Variants in KYAT1 observed in about 807,000 individuals in gnomAD.
KYAT1 encodes the protein kynurenine--oxoglutarate transaminase 1.
KYAT1 carries 47 observed loss-of-function variants against 52.4 expected under a neutral mutation model. That is an observed-to-expected ratio of 0.90 (90% CI 0.71 to 1.14). The LOEUF is 1.14. Among genes scored for constraint, KYAT1 ranks in the 50% most tolerant of loss-of-function variants. KYAT1 has a pLI of 0.00. For missense variants in KYAT1, 480 were observed against 557.9 expected, an observed-to-expected ratio of 0.86 and a Z score of 1.41; for synonymous variants, 212 against 209.6, an observed-to-expected ratio of 1.01 and a Z score of -0.10.
intron 1 of KYAT1, among the ~76,000 whole-genome samples, chr9:128,862,257 C>T (rs1835562676): frequency 6.6e-6 from 1 of 152,190 alleles, no homozygotes; most frequent in South Asian, 2.1e-4. Flanking sequence ...CCTGCCGCAG[C>T]GTCCCAGTGC....
intron 2 of KYAT1, among the ~76,000 whole-genome samples, chr9:128,843,051 C>T (rs1832475706): frequency 6.6e-6 from 1 of 152,166 alleles, no homozygotes; most frequent in South Asian, 2.1e-4. Context: ...CCTGTAATCC[C>T]AGCTACTTGG....
At chr9:128,874,289 G>A (rs909699700) in intron 1 of KYAT1, among the ~76,000 whole-genome samples, 1 of 151,392 alleles carries the variant, frequency 6.6e-6, no homozygotes, top group African/African-American at 2.4e-5. Flanking sequence ...GAACTGAACA[G>A]TGCTGCAGTC....
intron 1 of KYAT1, among the ~76,000 whole-genome samples, chr9:128,862,247 C>T (rs937541539): frequency 6.6e-6 from 1 of 152,198 alleles, no homozygotes; most frequent in Non-Finnish European, 1.5e-5. Context: ...AAGGCATCCT[C>T]CTGCCGCAGC....
intron 1 of KYAT1, among the ~76,000 whole-genome samples, chr9:128,874,162 G>A (rs1025196873): frequency 4.7e-5 from 7 of 148,246 alleles, no homozygotes; most frequent in Middle Eastern, 3.8e-3. Flanking sequence ...AGGCTGAGAC[G>A]GGAGAATCGC....
At chr9:128,875,252 T>G (rs1054831940) in intron 1 of KYAT1, among the ~76,000 whole-genome samples, 6 of 151,128 alleles carry the variant, frequency 4.0e-5, no homozygotes, top group East Asian at 1.9e-4. Context: ...TTTTTTGTTT[T>G]TTTTTTTTTT....
rs1224583998 is a variant in KYAT1, at chr9:128,838,376, A to C, written c.202-9T>G. On this transcript the variant is annotated splice_polypyrimidine_tract_variant and intron_variant, in intron 3 of 12. Coordinates refer to ENST00000302586, the MANE Select transcript of KYAT1 (RefSeq NM_004059.5). ...GTCAGTGGTGGGTAACCCTGCCAGG[A>C]CAGCAGGGGTTAACTGTCCAGCTCA... The C allele has an allele frequency of 6.2e-7, 1 of 1,614,046 alleles. No homozygotes were observed. The highest frequency in any genetic ancestry group is 8.5e-7 in the Non-Finnish European group (1 of 1,180,002).
intron 1 of KYAT1, chr9:128,846,648 C>T (rs1833151432): frequency 3.1e-6 from 4 of 1,304,368 alleles, no homozygotes; most frequent in Non-Finnish European, 4.1e-6. Flanking sequence ...TTGGCCAGAC[C>T]TGAGAGCCAC....
At chr9:128,845,812 G>A (rs1432224575) in intron 1 of KYAT1, among the ~76,000 whole-genome samples, 1 of 152,202 alleles carries the variant, frequency 6.6e-6, no homozygotes, top group South Asian at 2.1e-4. Flanking sequence ...AATGGCAACA[G>A]TGACAGCAGC....
chr9:128,878,394 C>T (rs948301722), intron 1 of KYAT1, among the ~76,000 whole-genome samples: 1 of 152,030 alleles, frequency 6.6e-6, no homozygotes, highest in Non-Finnish European at 1.5e-5. Flanking sequence ...CTCAGCCTTC[C>T]AAATTACTGG....
chr9:128,837,899 C>G (rs976577809), intron 5 of KYAT1, 86 bp from the exon 6 acceptor site: 4 of 1,543,302 alleles, frequency 2.6e-6, no homozygotes, highest in Non-Finnish European at 3.6e-6. Context: ...CTTCTCTCCC[C>G]TGGGATCCCA....
intron 1 of KYAT1, among the ~76,000 whole-genome samples, chr9:128,850,277 TG>T (rs1327324274): frequency 1.3e-5 from 2 of 152,128 alleles, no homozygotes; most frequent in African/African-American, 2.4e-5. Context: ...ACTGTGTCTA[TG>T]TAGAAATGGA....
Position 128,846,969 on chromosome 9 carries a change from G to T in KYAT1, c.-6-1558C>A, listed in dbSNP as rs1036034823. ...CAATAGTCTCCATCTAACAGATGAGGACACTGAGGCTTGAAGAGGCTCAGG... is the reference window on the plus strand; with the variant it reads ...CAATAGTCTCCATCTAACAGATGAGTACACTGAGGCTTGAAGAGGCTCAGG... On this transcript the variant is annotated intron_variant, in intron 1 of 12. Coordinates refer to ENST00000302586, the MANE Select transcript of KYAT1 (RefSeq NM_004059.5). The T allele has an allele frequency of 4.2e-5, 43 of 1,011,962 alleles. No individual in the cohort carries two copies. The African/African-American group carries it at 6.3e-4, about 15-fold the overall frequency. The allele number at this position is 1,011,962 out of a possible 1,614,324, so 62.7% of individuals were successfully genotyped here.
At chr9:128,838,940 A>ATTTG (rs1831636034) in intron 3 of KYAT1, among the ~76,000 whole-genome samples, 1 of 128,490 alleles carries the variant, frequency 7.8e-6, no homozygotes, top group South Asian at 2.3e-4. Context: ...AGAGGCTTTT[A>ATTTG]TTTATTTATT....
chr9:128,863,495 G>A (rs1485711379), intron 1 of KYAT1, among the ~76,000 whole-genome samples: 3 of 151,252 alleles, frequency 2.0e-5, no homozygotes, highest in Non-Finnish European at 4.4e-5. Flanking sequence ...AACAACAAAA[G>A]GATCCAAATA....
At chr9:128,875,718 G>C (rs1314190343) in intron 1 of KYAT1, among the ~76,000 whole-genome samples, 1 of 152,188 alleles carries the variant, frequency 6.6e-6, no homozygotes, top group Non-Finnish European at 1.5e-5. Context: ...TAGGCATGGG[G>C]ACCATAGCTG....
chr9:128,881,267 G>C (rs2070377144), intron 1 of KYAT1, among the ~76,000 whole-genome samples: 1 of 152,052 alleles, frequency 6.6e-6, no homozygotes, highest in African/African-American at 2.4e-5. Context: ...ATTTTTAGTA[G>C]AGATGAGGTT....
intron 1 of KYAT1, among the ~76,000 whole-genome samples, chr9:128,855,485 C>T (rs1438658197): frequency 1.3e-5 from 2 of 152,256 alleles, no homozygotes; most frequent in East Asian, 3.8e-4. Flanking sequence ...AACAAGAAAT[C>T]ATAAGCCACA....
At position 128,842,675 on chromosome 9, in the gene KYAT1, A is replaced by C; in HGVS notation, c.180T>G (p.Leu60=). 1 of 1,614,058 alleles carries C rather than the reference A, an allele frequency of 6.2e-7. No individual in the cohort carries two copies. The highest frequency in any genetic ancestry group is 8.5e-7 in the Non-Finnish European group (1 of 1,179,960). ...TCACAAATGTCTTGGTGTACTGGTT[A>C]AGCATGAAGTCTCCACTGACAGCGT... The part of the protein sequence containing the change: ...FQHAVSGDFM[L]NQYTKTFGYP... Residue 60 remains leucine, a synonymous_variant, in exon 3 of 13, where the codon CTT becomes CTG. Transcript: ENST00000302586.
At chr9:128,879,521 AATGGAGGC>A (rs1255980337) in intron 1 of KYAT1, among the ~76,000 whole-genome samples, 1 of 152,026 alleles carries the variant, frequency 6.6e-6, no homozygotes, top group African/African-American at 2.4e-5. Flanking sequence ...GTTGGCACCT[AATGGAGGC>A]ATTCTCCGGG....
Sources: allele counts gnomAD v4.1 joint callset (sites outside exome capture counted in the v4.1 genomes callset), GRCh38; gene constraint gnomAD v4.1.1; transcripts MANE v1.5; gene names NCBI Gene and HGNC (gene_info 2026-07-23, HGNC 2026-07-21).